The following CPS1 variants were observed in gnomAD, a reference collection of about 807,000 sequenced individuals.
CPS1 encodes the protein carbamoyl-phosphate synthase 1.
A neutral mutation model predicts 174.6 loss-of-function variants in CPS1; 109 were observed. The observed-to-expected ratio is 0.62, with a 90% CI of 0.53 to 0.73. The LOEUF (loss-of-function observed/expected upper bound fraction) is 0.73. Ranked by LOEUF, CPS1 falls within the 30% of genes least tolerant of loss-of-function variation. CPS1 has a pLI of 0.00. For synonymous variants in CPS1, 637 were observed against 632.0 expected, an observed-to-expected ratio of 1.01 and a Z score of -0.12; for missense variants, 1,689 against 1,821.9, an observed-to-expected ratio of 0.93 and a Z score of 1.33.
At chr2:210,590,292 T>C in intron 8 of CPS1, 58 bp downstream of exon 8, 1 of 1,608,828 alleles carries the variant, frequency 6.2e-7, no homozygotes, top group South Asian at 1.1e-5. Context: ...TTCCGCTCTA[T>C]ACCCTCAAAG....
intron 21 of CPS1, among the ~76,000 whole-genome samples, chr2:210,635,605 T>C (rs1700020338): frequency 6.6e-6 from 1 of 152,180 alleles, no homozygotes; most frequent in African/African-American, 2.4e-5. Flanking sequence ...TAACCACATG[T>C]GGCTAGGGGC....
Position 210,602,450 on chromosome 2 carries a change from T to G in CPS1, c.1836+120T>G, listed in dbSNP as rs958138425. ...TTTTCTTTATTAAATCATGATCATG[T>G]TCTCCAAAAGCGTATTCCAAAAGAT... On this transcript the variant is annotated intron_variant, in intron 16 of 37. Coordinates refer to ENST00000233072, the MANE Select transcript of CPS1 (RefSeq NM_001875.5). The G allele has an allele frequency of 2.2e-5, 28 of 1,280,270 alleles. No homozygotes were observed. In the South Asian group the frequency reaches 3.1e-4, roughly 14 times the overall value. The allele number at this position is 1,280,270 out of a possible 1,614,324, so 79.3% of individuals were successfully genotyped here. A position where few individuals can be genotyped will look rare whatever the true frequency, so the allele number is the denominator to read the frequency against.
intron 15 of CPS1, among the ~76,000 whole-genome samples, chr2:210,601,549 T>C (rs1698726015): frequency 6.6e-6 from 1 of 151,992 alleles, no homozygotes; most frequent in Non-Finnish European, 1.5e-5. Flanking sequence ...CATACATTTG[T>C]TCTTTCATTG....
At chr2:210,516,752 G>C (rs1380293614) in intron 1 of CPS1, among the ~76,000 whole-genome samples, 1 of 151,844 alleles carries the variant, frequency 6.6e-6, no homozygotes, top group East Asian at 1.9e-4. Context: ...TATATATGCT[G>C]TTCTCTCTAT....
At chr2:210,674,989 C>G in intron 35 of CPS1, 28 bp downstream of exon 35, 1 of 1,547,784 alleles carries the variant, frequency 6.5e-7, no homozygotes, top group South Asian at 1.1e-5. Flanking sequence ...AAGTTGTTTT[C>G]TGTCAGCATG....
intron 1 of CPS1, among the ~76,000 whole-genome samples, chr2:210,566,053 A>G (rs1697290620): frequency 6.6e-6 from 1 of 152,144 alleles, no homozygotes; most frequent in African/African-American, 2.4e-5. Flanking sequence ...TGTGGCCTGA[A>G]CCTTTCTATC....
chr2:210,595,603 C>G, intron 13 of CPS1, 21 bp downstream of exon 13: 2 of 1,500,762 alleles, frequency 1.3e-6, no homozygotes, highest in Non-Finnish European at 1.9e-6. Flanking sequence ...ATGATCCTTA[C>G]TAGAATTAAT....
At chr2:210,670,122 T>C (rs569375433) in intron 34 of CPS1, among the ~76,000 whole-genome samples, 2 of 152,248 alleles carry the variant, frequency 1.3e-5, no homozygotes, top group African/African-American at 4.8e-5. Context: ...TTCAATACTT[T>C]CCTTTTAAAA....
At chr2:210,662,455 C>A (rs1177300687) in intron 32 of CPS1, among the ~76,000 whole-genome samples, 5 of 152,020 alleles carry the variant, frequency 3.3e-5, no homozygotes, top group Non-Finnish European at 1.5e-5. Flanking sequence ...ATCAATGGAG[C>A]AATTGATAAA....
intron 1 of CPS1, among the ~76,000 whole-genome samples, chr2:210,527,276 C>T (rs1285327438): frequency 6.6e-6 from 1 of 151,884 alleles, no homozygotes; most frequent in Non-Finnish European, 1.5e-5. Context: ...ACTTTTCTTA[C>T]ATACAAAAAT....
chr2:210,611,896 T>C (rs1184434183), intron 19 of CPS1, among the ~76,000 whole-genome samples: 5 of 150,864 alleles, frequency 3.3e-5, no homozygotes, highest in Non-Finnish European at 5.9e-5. Context: ...CCCTGAGTGG[T>C]AAAAGACTGA....
intron 1 of CPS1, among the ~76,000 whole-genome samples, chr2:210,478,880 C>T (rs1281015012): frequency 1.3e-5 from 2 of 150,406 alleles, no homozygotes; most frequent in East Asian, 3.9e-4. Context: ...ATTTTAATTG[C>T]TGGAAATAAT....
chr2:210,602,166 G>C (rs1337920996), intron 15 of CPS1, 36 bp from the exon 16 acceptor site: 2 of 1,610,674 alleles, frequency 1.2e-6, no homozygotes, highest in South Asian at 2.2e-5. Context: ...AGTGTGCTCA[G>C]CTTTTAAAAT....
At chr2:210,554,101 A>C (rs1035263809), upstream of CPS1, among the ~76,000 whole-genome samples, 1 of 146,114 alleles carries the variant, frequency 6.8e-6, no homozygotes, top group Non-Finnish European at 1.5e-5. Flanking sequence ...ATGTATGTAT[A>C]TACACATATA....
At chr2:210,531,806 CA>C (rs1325898360) in intron 1 of CPS1, among the ~76,000 whole-genome samples, 1 of 152,066 alleles carries the variant, frequency 6.6e-6, no homozygotes, top group African/African-American at 2.4e-5. Flanking sequence ...CATGGATAGT[CA>C]AAACGCTATT....
chr2:210,590,830 T>G lies in CPS1; in HGVS notation c.871T>G (p.Phe291Val), dbSNP rs1574561586. ...GGAGAGTGATCGCAAGGAGCCATTGTTTGGAATCAGTACAGGAAACTTAAT... is the reference window on the plus strand; with the variant it reads ...GGAGAGTGATCGCAAGGAGCCATTGGTTGGAATCAGTACAGGAAACTTAAT... ...ILESDRKEPLFGISTGNLITG... is the reference protein window; with the variant it reads ...ILESDRKEPLVGISTGNLITG... Residue 291 changes from phenylalanine (F) to valine (V), a missense_variant, in exon 9 of 38, where the codon TTT becomes GTT. Phe to Val is a conservative substitution (Grantham distance 50). Coordinates refer to ENST00000233072, the MANE Select transcript of CPS1 (RefSeq NM_001875.5). 1 of 1,611,186 alleles carries G rather than the reference T, an allele frequency of 6.2e-7. No homozygotes were observed.
intron 28 of CPS1, among the ~76,000 whole-genome samples, chr2:210,652,471 A>T (rs1700587448): frequency 6.6e-6 from 1 of 152,142 alleles, no homozygotes; most frequent in African/African-American, 2.4e-5. Flanking sequence ...AAAGATGGAG[A>T]GAAATAGTAA....
chr2:210,563,130 A>G (rs1697159920), intron 1 of CPS1, among the ~76,000 whole-genome samples: 1 of 152,150 alleles, frequency 6.6e-6, no homozygotes, highest in Non-Finnish European at 1.5e-5. Context: ...TTTAATTTGA[A>G]GTTTTGTTAT....
chr2:210,625,799 G>A (rs1699682504), intron 21 of CPS1, among the ~76,000 whole-genome samples: 1 of 152,054 alleles, frequency 6.6e-6, no homozygotes, highest in Non-Finnish European at 1.5e-5. Context: ...GTGAGAAACA[G>A]GTAGGTAAAG....
Sources: gnomAD v4.1 joint callset for allele counts (sites outside exome capture counted in the v4.1 genomes callset) on GRCh38, gnomAD v4.1.1 for gene constraint, MANE v1.5 for transcripts, NCBI Gene and HGNC (gene_info 2026-07-23, HGNC 2026-07-21) for gene names.